C5: variants seen among roughly 807,000 people sequenced by gnomAD.
C5 encodes complement C5.
In C5, 140 loss-of-function variants were observed where a neutral mutation model predicts 218.8. The ratio of observed to expected loss-of-function variants is 0.64; its 90% CI spans 0.56 to 0.74. The LOEUF (loss-of-function observed/expected upper bound fraction) is 0.74. C5 is among the 30% of genes least tolerant of loss of function. C5 has a pLI of 0.00. For missense variants in C5, 1,700 were observed against 1,969.6 expected (o/e 0.86, Z 2.59); for synonymous variants, 614 against 682.3 (o/e 0.90, Z 1.56).
intron 3 of C5, among the ~76,000 whole-genome samples, chr9:121,038,865 C>T (rs1352281697): frequency 6.6e-6 from 1 of 152,136 alleles, no homozygotes; most frequent in Non-Finnish European, 1.5e-5. Context: ...TCAGTAAATG[C>T]CCCACCTCTC....
chr9:121,011,976 G>C (rs1320657815), intron 17 of C5, among the ~76,000 whole-genome samples: 2 of 151,466 alleles, frequency 1.3e-5, no homozygotes, highest in Admixed American at 1.3e-4. Flanking sequence ...AGGGTAGTAG[G>C]AGGATGAGGG....
chr9:121,016,163 G>T, intron 15 of C5, 91 bp downstream of exon 15: 2 of 1,489,120 alleles, frequency 1.3e-6, no homozygotes, highest in East Asian at 2.3e-5. Context: ...TAAGATCAGG[G>T]TACAGAATAT....
chr9:120,960,580 C>T (rs1453009906), intron 37 of C5, among the ~76,000 whole-genome samples: 2 of 152,242 alleles, frequency 1.3e-5, no homozygotes, highest in African/African-American at 4.8e-5. Context: ...ACCCATGGCC[C>T]GTGGGCAGCA....
At chr9:120,970,149 C>T (rs745898041) in intron 32 of C5, 21 bp downstream of exon 32, 13 of 1,538,956 alleles carry the variant, frequency 8.4e-6, no homozygotes, top group Admixed American at 3.3e-5. Flanking sequence ...AAAATTACAG[C>T]GTAAATCCTG....
intron 26 of C5, 104 bp downstream of exon 26, chr9:120,982,551 G>A: frequency 2.1e-6 from 2 of 960,994 alleles, no homozygotes; most frequent in Non-Finnish European, 3.2e-6. Flanking sequence ...ATTTCTTGCA[G>A]AATTACATTT....
In C5 at chr9:121,025,449, C is replaced by CACACACACACAG. The variant is rs71370618; in HGVS notation, c.1000+4_1000+5insCTGTGTGTGTGT. ...ACACACACACACACACACACACACA[C>CACACACACACAG]TTACCTGTAGACTCTATGACTGTTA... On this transcript the variant is annotated splice_donor_region_variant and intron_variant, in intron 9 of 40. Coordinates refer to ENST00000223642, the MANE Select transcript of C5 (RefSeq NM_001735.3). 11 of 1,605,482 alleles carry CACACACACACAG rather than the reference C, an allele frequency of 6.9e-6. No individual in the cohort carries two copies. In the Admixed American group the frequency reaches 1.9e-4, roughly 27 times the overall value.
intron 20 of C5, among the ~76,000 whole-genome samples, chr9:120,998,025 A>G (rs1270792621): frequency 3.3e-5 from 5 of 151,812 alleles, no homozygotes; most frequent in African/African-American, 1.2e-4. Context: ...CTGATCTCGA[A>G]CTCCTGATCT....
At chr9:121,029,222 C>G (rs2047452611) in intron 7 of C5, among the ~76,000 whole-genome samples, 1 of 152,176 alleles carries the variant, frequency 6.6e-6, no homozygotes, top group Non-Finnish European at 1.5e-5. Context: ...TATAGGAGGT[C>G]AGTTTCTATA....
the C5 span, among the ~76,000 whole-genome samples, chr9:121,071,557 C>G: frequency 1.3e-5 from 2 of 151,886 alleles, no homozygotes; most frequent in East Asian, 3.9e-4. Flanking sequence ...TGGTGGTGCA[C>G]ACCTATAGAC....
At chr9:120,984,626 C>T (rs563370620) in intron 25 of C5, among the ~76,000 whole-genome samples, 1 of 151,382 alleles carries the variant, frequency 6.6e-6, no homozygotes, top group East Asian at 1.9e-4. Flanking sequence ...CGGACTCATC[C>T]TTTGGGATCA....
chr9:121,039,178 T>C (rs1410188339), intron 3 of C5, among the ~76,000 whole-genome samples: 5 of 152,246 alleles, frequency 3.3e-5, no homozygotes, highest in Non-Finnish European at 1.5e-5. Flanking sequence ...AGCTTTTGCA[T>C]AGCCTGACAC....
rs1300434941 is a variant in C5, at chr9:120,974,806, G to T, written c.3990C>A (p.Asp1330Glu). 1.1e-5 allele frequency: 17 copies of T among 1,613,778 alleles called. No individual in the cohort carries two copies. The highest frequency in any genetic ancestry group is 1.4e-5 in the Non-Finnish European group (17 of 1,179,814). ...KGALHNYKMT[D>E]KNFLGRPVEV... ...CTACTGGCCTCCCAAGGAAATTCTT[G>T]TCTGTCATTTTATAATTATGTAAGG... The change falls in exon 30 of 41, where the codon GAC becomes GAA. Residue 1330 changes from aspartate to glutamate, a missense_variant. By Grantham distance (45) the Asp-to-Glu change is conservative. Transcript: ENST00000223642.
the C5 span, among the ~76,000 whole-genome samples, chr9:121,072,812 TAAAAA>T: frequency 9.1e-5 from 9 of 98,616 alleles, no homozygotes; most frequent in Admixed American, 9.1e-4. Flanking sequence ...TTCAAAAAAT[TAAAAA>T]AAAAAAAAAA....
intron 1 of C5, among the ~76,000 whole-genome samples, chr9:121,047,620 A>C (rs1323970204): frequency 6.6e-6 from 1 of 152,228 alleles, no homozygotes; most frequent in Non-Finnish European, 1.5e-5. Flanking sequence ...TTCTGCCAAC[A>C]TTGTGACATT....
rs755636636 is a variant in C5, at chr9:121,015,272, T to C, written c.1997-11A>G. 3.2e-6 allele frequency: 5 copies of C among 1,560,966 alleles called. No individual in the cohort carries two copies. The highest frequency in any genetic ancestry group is 2.6e-6 in the Non-Finnish European group (3 of 1,135,206). ...CTTTACAAGGTTCATCTGGTTTTTTTAAAAAAAGATAAAGAAGAAGGATTA... is the reference window on the plus strand; with the variant it reads ...CTTTACAAGGTTCATCTGGTTTTTTCAAAAAAAGATAAAGAAGAAGGATTA... On this transcript the variant is annotated splice_polypyrimidine_tract_variant and intron_variant, in intron 15 of 40. Transcript: ENST00000223642.
Position 120,976,747 on chromosome 9 carries a change from A to G in C5, c.3817T>C (p.Trp1273Arg). ...DINYVNPVIK[W>R]LSEEQRYGGG... ...CCATACCTCTGCTCTTCTGATAGCC[A>G]TTTGATGACTGGGTTAACATAATTT... Residue 1273 changes from tryptophan to arginine, a missense_variant, in exon 29 of 41, where the codon TGG becomes CGG. Coordinates refer to ENST00000223642, the MANE Select transcript of C5 (RefSeq NM_001735.3). 1 of 1,614,190 alleles carries G rather than the reference A, an allele frequency of 6.2e-7. No individual in the cohort carries two copies. The highest frequency in any genetic ancestry group is 8.5e-7 in the Non-Finnish European group (1 of 1,180,024).
chr9:120,987,373 A>G (rs1043836187), intron 25 of C5, among the ~76,000 whole-genome samples: 4 of 152,104 alleles, frequency 2.6e-5, no homozygotes, highest in Non-Finnish European at 5.9e-5. Flanking sequence ...GGCCAGGCGC[A>G]GTGGCTCATG....
At chr9:121,064,953 C>T in the C5 span, among the ~76,000 whole-genome samples, 1 of 151,938 alleles carries the variant, frequency 6.6e-6, no homozygotes, top group African/African-American at 2.4e-5. Flanking sequence ...AATAAATATC[C>T]CAGCTACTCA....
intron 30 of C5, among the ~76,000 whole-genome samples, chr9:120,972,635 G>C (rs539029942): frequency 5.3e-5 from 8 of 152,120 alleles, no homozygotes; most frequent in Non-Finnish European, 2.9e-5. Flanking sequence ...AGACATAAAC[G>C]GAGTTAAGTC....
Sources: gnomAD v4.1 joint callset for allele counts (sites outside exome capture counted in the v4.1 genomes callset) on GRCh38, gnomAD v4.1.1 for gene constraint, MANE v1.5 for transcripts, NCBI Gene and HGNC (gene_info 2026-07-23, HGNC 2026-07-21) for gene names.